Variants in SORCS2 observed in about 807,000 individuals in gnomAD.
SORCS2 encodes the protein sortilin related VPS10 domain containing receptor 2, also known as VPS10 domain-containing receptor SorCS2.
In SORCS2, 100 loss-of-function variants were observed where a neutral mutation model predicts 141.6. The ratio of observed to expected loss-of-function variants is 0.71; its 90% confidence interval spans 0.60 to 0.83. The LOEUF is 0.83. SORCS2 is among the 40% of genes least tolerant of loss of function. The pLI is 0.00. For synonymous variants in SORCS2, 789 were observed against 676.9 expected (o/e 1.17, Z -2.57); for missense variants, 1,646 against 1,560.2 (o/e 1.05, Z -0.93).
At chr4:7,304,025 A>T (rs1434482269) in intron 1 of SORCS2, among the ~76,000 whole-genome samples, 1 of 152,366 alleles carries the variant, frequency 6.6e-6, no homozygotes, top group East Asian at 1.9e-4. Context: ...GCCTCAATTT[A>T]CAGATGGAAA....
chr4:7,434,912 C>T, intron 2 of SORCS2: 1 of 1,499,938 alleles, frequency 6.7e-7, no homozygotes, highest in Non-Finnish European at 8.9e-7. Flanking sequence ...CCAGAGTACC[C>T]AGCAGTGGCT....
intron 3 of SORCS2, among the ~76,000 whole-genome samples, chr4:7,580,492 A>G (rs1018950736): frequency 6.6e-6 from 1 of 152,214 alleles, no homozygotes; most frequent in African/African-American, 2.4e-5. Context: ...TCAGAAAAAA[A>G]AAAAGGAAAA....
chr4:7,546,807 C>T (rs766979472), intron 3 of SORCS2, among the ~76,000 whole-genome samples: 2 of 152,214 alleles, frequency 1.3e-5, no homozygotes, highest in African/African-American at 2.4e-5. Context: ...CTGTGCTTGC[C>T]GTAGCCAGAA....
intron 1 of SORCS2, among the ~76,000 whole-genome samples, chr4:7,394,379 G>C (rs1432992911): frequency 6.6e-6 from 1 of 150,928 alleles, no homozygotes; most frequent in Non-Finnish European, 1.5e-5. Flanking sequence ...GAGCTGTGTG[G>C]GGTTGCAGGG....
At chr4:7,471,410 G>T (rs1432447328) in intron 2 of SORCS2, among the ~76,000 whole-genome samples, 1 of 152,222 alleles carries the variant, frequency 6.6e-6, no homozygotes, top group Non-Finnish European at 1.5e-5. Flanking sequence ...AAATTCATAA[G>T]AAAAGCCTAC....
intron 3 of SORCS2, among the ~76,000 whole-genome samples, chr4:7,561,180 G>A (rs755805280): frequency 3.9e-5 from 6 of 152,126 alleles, no homozygotes; most frequent in African/African-American, 1.2e-4. Context: ...TGGGGGCTTC[G>A]TGGCCCTTTA....
At chr4:7,447,804 G>A (rs1472074597) in intron 2 of SORCS2, among the ~76,000 whole-genome samples, 3 of 152,168 alleles carry the variant, frequency 2.0e-5, no homozygotes, top group Non-Finnish European at 4.4e-5. Context: ...AACGGAGCCT[G>A]TGCATCCCAG....
At chr4:7,249,959 A>G (rs186138240) in intron 1 of SORCS2, among the ~76,000 whole-genome samples, 270 of 152,258 alleles carry the variant, frequency 1.8e-3, no homozygotes, top group Middle Eastern at 6.8e-3. Flanking sequence ...AAAGAGGGGT[A>G]GGCTGGACGC....
At position 7,393,631 on chromosome 4, in the gene SORCS2, G is replaced by A. The variant is rs147280696; in HGVS notation, c.481-2657G>A. ...TGTAAAACAGGGATAATAACATGTG[G>A]CTCCTGGGGGCATGGGGGCAGCACC... On this transcript the variant is annotated intron_variant, in intron 1 of 26. Coordinates refer to ENST00000507866, the MANE Select transcript of SORCS2 (RefSeq NM_020777.3). Among the ~76,000 whole-genome samples the A allele has an allele frequency of 5.3e-4, 80 of 152,240 alleles. No individual in the cohort carries two copies. The East Asian group carries it at 0.013, about 25-fold the overall frequency.
intron 12 of SORCS2, among the ~76,000 whole-genome samples, chr4:7,697,702 GC>G (rs1222986724): frequency 6.6e-6 from 1 of 152,128 alleles, no homozygotes; most frequent in Non-Finnish European, 1.5e-5. Flanking sequence ...CCAGGAGGGG[GC>G]TACGGGGGAC....
intron 6 of SORCS2, among the ~76,000 whole-genome samples, chr4:7,662,351 C>G (rs1392600123): frequency 6.6e-5 from 10 of 151,900 alleles, no homozygotes; most frequent in Non-Finnish European, 1.5e-4. Context: ...CACAAGGTCC[C>G]AGCTGGTGCA....
intron 10 of SORCS2, among the ~76,000 whole-genome samples, chr4:7,684,737 A>G (rs934705296): frequency 8.1e-5 from 10 of 123,290 alleles, no homozygotes; most frequent in African/African-American, 1.7e-4. Flanking sequence ...CACACCAACC[A>G]GCAAAACAGA....
intron 2 of SORCS2, among the ~76,000 whole-genome samples, chr4:7,428,671 G>C (rs914765268): frequency 2.0e-5 from 3 of 152,204 alleles, no homozygotes; most frequent in Non-Finnish European, 1.5e-5. Context: ...GGTGGGCCTG[G>C]GGTGTGTGCA....
At chr4:7,543,609 C>T (rs1162395862) in intron 3 of SORCS2, among the ~76,000 whole-genome samples, 15 of 147,344 alleles carry the variant, frequency 1.0e-4, no homozygotes, top group South Asian at 8.9e-4. Flanking sequence ...TCCATCCATC[C>T]GTCCATCCAC....
intron 2 of SORCS2, among the ~76,000 whole-genome samples, chr4:7,473,113 C>T (rs1483833557): frequency 6.6e-6 from 1 of 152,116 alleles, no homozygotes; most frequent in Non-Finnish European, 1.5e-5. Flanking sequence ...GTTAAAGCAT[C>T]AAAAGAGGGA....
intron 3 of SORCS2, among the ~76,000 whole-genome samples, chr4:7,604,591 G>A (rs758899081): frequency 7.9e-5 from 12 of 152,188 alleles, no homozygotes; most frequent in South Asian, 2.1e-4. Flanking sequence ...GAGCCGCCGC[G>A]CCCGGCCTAT....
intron 2 of SORCS2, among the ~76,000 whole-genome samples, chr4:7,488,737 TG>T (rs1340622084): frequency 1.3e-5 from 2 of 152,202 alleles, no homozygotes; most frequent in East Asian, 3.9e-4. Flanking sequence ...ATGGCAGACA[TG>T]GCCGCCCTAT....
At chr4:7,230,688 A>C (rs4689092) in intron 1 of SORCS2, among the ~76,000 whole-genome samples, 9 of 85,774 alleles carry the variant, frequency 1.0e-4, no homozygotes, top group Non-Finnish European at 2.1e-4. Flanking sequence ...GTCTCTGGGC[A>C]GGAGCAGTGT....
chr4:7,641,806 A>ATGGATGTGTGGG (rs879257207), intron 4 of SORCS2, among the ~76,000 whole-genome samples: 5,506 of 88,336 alleles, frequency 0.062, 147 homozygotes, highest in Middle Eastern at 0.1. Flanking sequence ...GGATGGATGG[A>ATGGATGTGTGGG]TGGATGGATG....
Sources: allele counts gnomAD v4.1 joint callset (sites outside exome capture counted in the v4.1 genomes callset), GRCh38; gene constraint gnomAD v4.1.1; transcripts MANE v1.5; gene names NCBI Gene and HGNC (gene_info 2026-07-23, HGNC 2026-07-21).